GPR39: variants seen among roughly 807,000 people sequenced by gnomAD.
GPR39 encodes zinc sensing receptor.
GPR39 carries 23 observed loss-of-function variants against 18.4 expected under a neutral mutation model. That is an observed-to-expected ratio of 1.25 (90% CI 0.90 to 1.77). GPR39 has a LOEUF of 1.77. Ranked by LOEUF, GPR39 falls within the 40% of genes most tolerant of loss-of-function variation. GPR39 has a pLI of 0.00. For synonymous variants in GPR39, 280 were observed against 257.9 expected (o/e 1.09, Z -0.82); for missense variants, 647 against 602.4 (o/e 1.07, Z -0.78).
At chr2:132,610,781 A>C (rs1222811654) in intron 1 of GPR39, among the ~76,000 whole-genome samples, 4 of 149,324 alleles carry the variant, frequency 2.7e-5, no homozygotes. Context: ...TGTCTCCAAA[A>C]AAAAAAAAAA....
intron 1 of GPR39, among the ~76,000 whole-genome samples, chr2:132,513,020 C>T (rs1573639833): frequency 6.6e-6 from 1 of 152,146 alleles, no homozygotes; most frequent in Non-Finnish European, 1.5e-5. Flanking sequence ...CATATGAAGT[C>T]AGCTTGGGCT....
intron 1 of GPR39, among the ~76,000 whole-genome samples, chr2:132,532,806 TA>T (rs200214726): frequency 0.17 from 26,347 of 152,134 alleles, 2,779 homozygotes; most frequent in African/African-American, 0.29. Flanking sequence ...CCCTTCATGC[TA>T]AAAACCCTCA....
chr2:132,552,891 C>T (rs1250971960), intron 1 of GPR39, among the ~76,000 whole-genome samples: 3 of 125,920 alleles, frequency 2.4e-5, no homozygotes, highest in African/African-American at 6.9e-5. Flanking sequence ...TATATACACA[C>T]ATATATATAT....
At chr2:132,451,395 T>C in intron 1 of GPR39, among the ~76,000 whole-genome samples, 1 of 152,238 alleles carries the variant, frequency 6.6e-6, no homozygotes. Flanking sequence ...AGGCAGAGTC[T>C]TGCCCATGTT....
At chr2:132,608,486 C>T (rs866576004) in intron 1 of GPR39, among the ~76,000 whole-genome samples, 3 of 152,146 alleles carry the variant, frequency 2.0e-5, no homozygotes, top group Admixed American at 6.5e-5. Context: ...CTTTTTGACT[C>T]GGCTCTAGAA....
intron 1 of GPR39, among the ~76,000 whole-genome samples, chr2:132,634,914 GT>G (rs1168461600): frequency 1.3e-5 from 2 of 152,218 alleles, no homozygotes; most frequent in African/African-American, 4.8e-5. Flanking sequence ...AAAGAAATGA[GT>G]TTTTAGTGTA....
chr2:132,635,601 C>T (rs567217656), intron 1 of GPR39, among the ~76,000 whole-genome samples: 4 of 151,924 alleles, frequency 2.6e-5, no homozygotes, highest in Admixed American at 2.0e-4. Flanking sequence ...AAAAAAGCAG[C>T]GTGTGCAGAG....
At chr2:132,532,011 G>C (rs1167046148) in intron 1 of GPR39, among the ~76,000 whole-genome samples, 3 of 152,210 alleles carry the variant, frequency 2.0e-5, no homozygotes, top group African/African-American at 7.2e-5. Context: ...GAGCAGAACT[G>C]AAGGAGATAG....
chr2:132,544,332 C>A (rs1446602734), intron 1 of GPR39, among the ~76,000 whole-genome samples: 1 of 152,154 alleles, frequency 6.6e-6, no homozygotes, highest in Admixed American at 6.5e-5. Flanking sequence ...CTTAGGAGGC[C>A]AGGCAGGCCA....
chr2:132,538,554 T>C (rs1321362394), intron 1 of GPR39, among the ~76,000 whole-genome samples: 1 of 152,224 alleles, frequency 6.6e-6, no homozygotes, highest in East Asian at 1.9e-4. Flanking sequence ...AGGCATCTGT[T>C]CCTTAGCAGA....
chr2:132,474,539 C>G (rs1348995984), intron 1 of GPR39, among the ~76,000 whole-genome samples: 2 of 152,204 alleles, frequency 1.3e-5, no homozygotes, highest in Non-Finnish European at 2.9e-5. Flanking sequence ...CAACCTTCAG[C>G]TCACCAGCTT....
At chr2:132,630,850 A>T (rs1332609340) in intron 1 of GPR39, among the ~76,000 whole-genome samples, 1 of 152,092 alleles carries the variant, frequency 6.6e-6, no homozygotes, top group Non-Finnish European at 1.5e-5. Context: ...ATGGCATTGG[A>T]GGTTATTATG....
At chr2:132,481,455 G>C (rs1364147109) in intron 1 of GPR39, among the ~76,000 whole-genome samples, 2 of 152,194 alleles carry the variant, frequency 1.3e-5, no homozygotes, top group African/African-American at 2.4e-5. Context: ...GCTATACCAG[G>C]AGGTAAAAGA....
chr2:132,578,798 T>A (rs376095885), intron 1 of GPR39, among the ~76,000 whole-genome samples: 1 of 151,552 alleles, frequency 6.6e-6, no homozygotes. Flanking sequence ...GTTTATAGTC[T>A]CTTTTAATAT....
chr2:132,638,321 C>G (rs1681800454), intron 1 of GPR39, among the ~76,000 whole-genome samples: 1 of 152,182 alleles, frequency 6.6e-6, no homozygotes, highest in South Asian at 2.1e-4. Flanking sequence ...GCTAGGGTCC[C>G]TACAAGTGCC....
At chr2:132,579,743 C>G (rs1158446709) in intron 1 of GPR39, among the ~76,000 whole-genome samples, 1 of 152,012 alleles carries the variant, frequency 6.6e-6, no homozygotes, top group South Asian at 2.1e-4. Flanking sequence ...TTTCAAAGAG[C>G]AAACAAATGT....
intron 1 of GPR39, among the ~76,000 whole-genome samples, chr2:132,456,396 G>T (rs1292462476): frequency 6.6e-6 from 1 of 151,478 alleles, no homozygotes; most frequent in African/African-American, 2.4e-5. Context: ...TGGGTCTCCT[G>T]AATACAGCAC....
intron 1 of GPR39, among the ~76,000 whole-genome samples, chr2:132,533,558 A>T (rs1249921730): frequency 1.3e-5 from 2 of 151,564 alleles, no homozygotes; most frequent in Admixed American, 6.6e-5. Flanking sequence ...AGCGAAAAGA[A>T]CAAAGCTGGA....
chr2:132,451,778 C>G (rs766805962), intron 1 of GPR39, among the ~76,000 whole-genome samples: 1 of 151,778 alleles, frequency 6.6e-6, no homozygotes, highest in Non-Finnish European at 1.5e-5. Context: ...TTCTTCCTTC[C>G]CCTTCTGTTA....
Sources: gnomAD v4.1 joint callset for allele counts (sites outside exome capture counted in the v4.1 genomes callset) on GRCh38, gnomAD v4.1.1 for gene constraint, MANE v1.5 for transcripts, NCBI Gene and HGNC (gene_info 2026-07-23, HGNC 2026-07-21) for gene names.